Variants in RIMS1 observed in about 807,000 individuals in gnomAD.
The protein encoded by RIMS1 is regulating synaptic membrane exocytosis protein 1.
A neutral mutation model predicts 214.1 loss-of-function variants in RIMS1; 83 were observed. The ratio of observed to expected loss-of-function variants is 0.39; its 90% confidence interval spans 0.32 to 0.47. RIMS1 has a LOEUF of 0.47. Among genes scored for constraint, RIMS1 ranks in the 20% least tolerant of loss-of-function variants. The pLI, the probability that RIMS1 is intolerant of heterozygous loss-of-function variation, is 0.99. For missense variants in RIMS1, 2,050 were observed against 2,161.8 expected, an observed-to-expected ratio of 0.95 and a Z score of 1.03; for synonymous variants, 793 against 786.8, an observed-to-expected ratio of 1.01 and a Z score of -0.13.
intron 29 of RIMS1, among the ~76,000 whole-genome samples, chr6:72,376,248 G>A (rs754346192): frequency 6.6e-6 from 1 of 152,136 alleles, no homozygotes; most frequent in Non-Finnish European, 1.5e-5. Flanking sequence ...TCTGTGAAGT[G>A]TAAGTTTTGC....
intron 1 of RIMS1, among the ~76,000 whole-genome samples, chr6:71,948,755 T>C (rs1204614776): frequency 6.6e-6 from 1 of 152,180 alleles, no homozygotes; most frequent in Non-Finnish European, 1.5e-5. Flanking sequence ...TGGGCACAGC[T>C]AACCTAGAGG....
chr6:72,322,469 AT>A (rs2096226054), intron 28 of RIMS1, among the ~76,000 whole-genome samples: 1 of 152,148 alleles, frequency 6.6e-6, no homozygotes, highest in Non-Finnish European at 1.5e-5. Flanking sequence ...TTCTACCCTT[AT>A]TCAAAAATAA....
intron 1 of RIMS1, among the ~76,000 whole-genome samples, chr6:71,916,034 C>T (rs1478140740): frequency 6.6e-6 from 1 of 152,086 alleles, no homozygotes; most frequent in Non-Finnish European, 1.5e-5. Flanking sequence ...TCCCACAACA[C>T]ATAGGAATTG....
At chr6:72,398,931 A>G in intron 32 of RIMS1, 24 bp from the exon 33 acceptor site, 2 of 1,405,994 alleles carry the variant, frequency 1.4e-6, no homozygotes, top group South Asian at 1.3e-5. Context: ...ATAATTTCTT[A>G]TATGTTAATA....
intron 1 of RIMS1, among the ~76,000 whole-genome samples, chr6:71,907,530 A>G (rs992181359): frequency 1.3e-5 from 2 of 152,176 alleles, no homozygotes; most frequent in African/African-American, 4.8e-5. Context: ...AGCTGACATA[A>G]TGCTGACATT....
chr6:72,220,755 T>G (rs1432862387), intron 6 of RIMS1, among the ~76,000 whole-genome samples: 1 of 152,030 alleles, frequency 6.6e-6, no homozygotes, highest in Admixed American at 6.6e-5. Context: ...TGACTGCAAA[T>G]TCATTGAGCT....
chr6:71,941,448 T>C (rs1399539894), intron 1 of RIMS1, among the ~76,000 whole-genome samples: 1 of 152,208 alleles, frequency 6.6e-6, no homozygotes, highest in Non-Finnish European at 1.5e-5. Context: ...TGTTTCACAT[T>C]CCATGTTTTA....
intron 6 of RIMS1, among the ~76,000 whole-genome samples, chr6:72,222,618 G>A (rs2058840789): frequency 6.6e-6 from 1 of 151,926 alleles, no homozygotes; most frequent in Admixed American, 6.6e-5. Flanking sequence ...TGAGTTTTTC[G>A]ATGTGCCAGA....
chr6:72,285,319 A>C (rs2091920337), intron 24 of RIMS1, among the ~76,000 whole-genome samples: 1 of 152,316 alleles, frequency 6.6e-6, no homozygotes, highest in South Asian at 2.1e-4. Context: ...CTATCTCAAT[A>C]GGCCTAGTAG....
intron 2 of RIMS1, among the ~76,000 whole-genome samples, chr6:72,036,694 A>T (rs1044207089): frequency 2.6e-5 from 4 of 152,216 alleles, no homozygotes; most frequent in African/African-American, 9.6e-5. Context: ...TGTGCATGAC[A>T]TATAGTAGGT....
At chr6:72,073,153 T>G (rs543080188) in intron 2 of RIMS1, among the ~76,000 whole-genome samples, 113 of 152,300 alleles carry the variant, frequency 7.4e-4, no homozygotes, top group African/African-American at 2.6e-3. Flanking sequence ...GAGCAGCATT[T>G]GTATTTTTGT....
At position 72,153,014 on chromosome 6, in the gene RIMS1, A is replaced by T. The variant is rs1159449716; in HGVS notation, c.472-26561A>T. Among the ~76,000 whole-genome samples the T allele has an allele frequency of 1.3e-3, 9 of 7,090 alleles. No homozygotes were observed. The East Asian group carries it at 0.28, about 222-fold the overall frequency. 4.7% of individuals were successfully genotyped at this position (7,090 alleles called of 152,430 possible). A position where few individuals can be genotyped will look rare whatever the true frequency, so the allele number is the denominator to read the frequency against. On this transcript the variant is annotated intron_variant, in intron 4 of 33. Coordinates refer to ENST00000521978, the MANE Select transcript of RIMS1 (RefSeq NM_014989.7). Reference sequence around the variant, plus strand: ...GGAATATATGTTTATATATGTATATATATGTGTGTGTGTATATATGTGTGT... The same window carrying T: ...GGAATATATGTTTATATATGTATATTTATGTGTGTGTGTATATATGTGTGT...
chr6:72,227,576 A>G (rs2060580502), intron 6 of RIMS1, among the ~76,000 whole-genome samples: 2 of 151,950 alleles, frequency 1.3e-5, no homozygotes, highest in African/African-American at 4.8e-5. Context: ...CTATACACAC[A>G]ACCAGAAAAA....
At position 72,400,684 on chromosome 6, in the gene RIMS1, T is replaced by C; in HGVS notation, c.5049T>C (p.Ser1683=). The C allele has an allele frequency of 6.2e-7, 1 of 1,613,642 alleles. No homozygotes were observed. Among genetic ancestry groups the C allele is most frequent in the Non-Finnish European group, 8.5e-7 (1 of 1,179,684 alleles). ...TRRASQSSLE[S]STGPPCIRS is the part of the protein sequence containing the mutation. ...GGGCTTCCCAGTCATCTCTGGAAAG[T>C]TCAACTGGGCCTCCCTGTATTCGAT... Residue 1683 remains serine, a synonymous_variant, in exon 34 of 34, where the codon AGT becomes AGC. Coordinates refer to ENST00000521978, the MANE Select transcript of RIMS1 (RefSeq NM_014989.7).
chr6:72,386,440 G>A (rs1327415189), intron 29 of RIMS1, among the ~76,000 whole-genome samples: 1 of 152,122 alleles, frequency 6.6e-6, no homozygotes, highest in Non-Finnish European at 1.5e-5. Context: ...TACAAAGACT[G>A]GAGAGGAAGC....
chr6:72,121,761 C>T (rs182888753), intron 4 of RIMS1, among the ~76,000 whole-genome samples: 5 of 151,838 alleles, frequency 3.3e-5, no homozygotes, highest in African/African-American at 1.2e-4. Flanking sequence ...CCAGTTTTTG[C>T]CCATTCAGTA....
intron 1 of RIMS1, among the ~76,000 whole-genome samples, chr6:71,898,898 A>T (rs1440290715): frequency 1.3e-5 from 2 of 151,978 alleles, no homozygotes; most frequent in African/African-American, 4.8e-5. Flanking sequence ...TTCCATTTTA[A>T]CTACCAACAC....
chr6:71,987,517 C>T (rs1800379022), intron 2 of RIMS1, among the ~76,000 whole-genome samples: 1 of 152,174 alleles, frequency 6.6e-6, no homozygotes, highest in African/African-American at 2.4e-5. Flanking sequence ...CCAATACCAT[C>T]CCATTGGGTA....
At chr6:72,164,206 T>A (rs1370250711) in intron 4 of RIMS1, among the ~76,000 whole-genome samples, 1 of 152,198 alleles carries the variant, frequency 6.6e-6, no homozygotes. Context: ...CAGGATATAA[T>A]CTCCTGGTGT....
Sources: gnomAD v4.1 joint callset for allele counts (sites outside exome capture counted in the v4.1 genomes callset) on GRCh38, gnomAD v4.1.1 for gene constraint, MANE v1.5 for transcripts, NCBI Gene and HGNC (gene_info 2026-07-23, HGNC 2026-07-21) for gene names.